NRAP: variants seen among roughly 807,000 people sequenced by gnomAD.
NRAP encodes the protein nebulin related anchoring protein.
NRAP carries 189 observed loss-of-function variants against 225.9 expected under a neutral mutation model. That is an observed-to-expected ratio of 0.84 (90% CI 0.74 to 0.94). The LOEUF (loss-of-function observed/expected upper bound fraction) is 0.94. Ranked by LOEUF, NRAP falls within the 40% of genes least tolerant of loss-of-function variation. NRAP has a pLI of 0.00. For missense variants in NRAP, 2,176 were observed against 2,168.7 expected (o/e 1.00, Z -0.07); for synonymous variants, 769 against 790.7 (o/e 0.97, Z 0.46).
At chr10:113,589,929 G>A in intron 40 of NRAP, 132 bp from the exon 41 acceptor site, 1 of 1,026,592 alleles carries the variant, frequency 9.7e-7, no homozygotes, top group Non-Finnish European at 1.4e-6. Context: ...GCCAGAACAA[G>A]GGGAACAAAT....
At chr10:113,600,361 G>A (rs1263865785) in intron 35 of NRAP, among the ~76,000 whole-genome samples, 1 of 151,690 alleles carries the variant, frequency 6.6e-6, no homozygotes, top group Non-Finnish European at 1.5e-5. Flanking sequence ...TTCTATTTTT[G>A]TAGAGATGGA....
chr10:113,592,663 G>A (rs1024547615), intron 38 of NRAP, among the ~76,000 whole-genome samples: 4 of 152,182 alleles, frequency 2.6e-5, no homozygotes, highest in Admixed American at 6.5e-5. Flanking sequence ...CAGAATTCAA[G>A]CTTCCAGAAT....
chr10:113,606,378 A>G, intron 32 of NRAP, 96 bp from the exon 33 acceptor site: 1 of 732,690 alleles, frequency 1.4e-6, no homozygotes, highest in Non-Finnish European at 2.3e-6. Context: ...AGGAAACACA[A>G]TAGCAAAAAA....
intron 3 of NRAP, among the ~76,000 whole-genome samples, chr10:113,658,302 T>C (rs1850437300): frequency 6.6e-6 from 1 of 152,172 alleles, no homozygotes; most frequent in Non-Finnish European, 1.5e-5. Flanking sequence ...CCTTCAAATT[T>C]GTTCTTCAAG....
intron 30 of NRAP, among the ~76,000 whole-genome samples, chr10:113,611,760 A>G (rs1429441467): frequency 2.0e-5 from 3 of 152,170 alleles, no homozygotes; most frequent in Non-Finnish European, 2.9e-5. Context: ...CGCATGAAGC[A>G]CCAAGAGGAA....
At chr10:113,661,010 T>A (rs1303442708) in intron 3 of NRAP, among the ~76,000 whole-genome samples, 1 of 152,098 alleles carries the variant, frequency 6.6e-6, no homozygotes, top group Non-Finnish European at 1.5e-5. Context: ...CTTAGCAGAG[T>A]GTTCAGTACT....
In NRAP at chr10:113,621,932, A is replaced by G; in HGVS notation, c.2706T>C (p.Phe902=). The G allele has an allele frequency of 6.2e-7, 1 of 1,614,204 alleles. No individual in the cohort carries two copies. Among genetic ancestry groups the G allele is most frequent in the Non-Finnish European group, 8.5e-7 (1 of 1,180,022 alleles). ...DVGYKTAEHH[F]TALPTDMKVE... ...CCTTCATGTCTGTGGGCAAAGCCGT[A>G]AAGTGATGTTCCGCTGTCTTGTAGC... The change falls in exon 24 of 42, where the codon TTT becomes TTC. Residue 902 remains phenylalanine (F), a synonymous_variant. Coordinates refer to ENST00000359988, the MANE Select transcript of NRAP (RefSeq NM_198060.4).
Position 113,663,936 on chromosome 10 carries a change from A to G in NRAP, c.-54T>C. 1 of 1,334,758 alleles carries G rather than the reference A, an allele frequency of 7.5e-7. No individual in the cohort carries two copies. The highest frequency in any genetic ancestry group is 1.1e-6 in the Non-Finnish European group (1 of 925,710). 82.7% of individuals were successfully genotyped at this position (1,334,758 alleles called of 1,614,324 possible). ...TAGGCAACAGGCAAGAAATGCAAGG[A>G]GAACCCCCAGTCTAGTTCAAGTCTT... On this transcript the variant is annotated 5_prime_UTR_variant, in exon 1 of 42. Coordinates refer to ENST00000359988, the MANE Select transcript of NRAP (RefSeq NM_198060.4).
At chr10:113,649,590 A>AT (rs1381697599) in intron 9 of NRAP, among the ~76,000 whole-genome samples, 1 of 152,150 alleles carries the variant, frequency 6.6e-6, no homozygotes, top group Admixed American at 6.6e-5. Flanking sequence ...TGGCATACTG[A>AT]TTTATCTACC....
chr10:113,649,412 T>C (rs551744113), intron 9 of NRAP, among the ~76,000 whole-genome samples: 6 of 152,352 alleles, frequency 3.9e-5, no homozygotes, highest in African/African-American at 1.4e-4. Context: ...CTTGCAACTG[T>C]GAACAATAAT....
rs147896134 is a variant in NRAP, at chr10:113,623,584, C to T, written c.2402G>A (p.Arg801His). 210 of 1,613,938 alleles carry T rather than the reference C, an allele frequency of 1.3e-4. No individual in the cohort carries two copies. Among genetic ancestry groups the T allele is most frequent in the Middle Eastern group, 3.3e-4 (2 of 6,052 alleles). Residue 801 changes from arginine (R) to histidine (H), a missense_variant, in exon 23 of 42, where the codon CGT (arginine) becomes CAT (histidine). This residue lies in a region of NRAP where 1,708 missense variants were observed against 1,695.5 expected (regional missense o/e 1.01). Coordinates refer to ENST00000359988, the MANE Select transcript of NRAP (RefSeq NM_198060.4). Reference sequence around the variant, plus strand: ...TGCCAGGAAGGTCAAGGAATCAAGACGCAGCTCAAACCCTTTTGCTTTCTG... The same window carrying T: ...TGCCAGGAAGGTCAAGGAATCAAGATGCAGCTCAAACCCTTTTGCTTTCTG... Reference protein sequence around the residue: ...ENQKAKGFELRLDSLTFLAAK... With the variant: ...ENQKAKGFELHLDSLTFLAAK...
At chr10:113,598,640 TG>T (rs1176369750) in intron 35 of NRAP, among the ~76,000 whole-genome samples, 1 of 152,216 alleles carries the variant, frequency 6.6e-6, no homozygotes, top group Admixed American at 6.5e-5. Context: ...TTAGATTTTT[TG>T]TTCTTGTGAT....
Position 113,588,814 on chromosome 10 carries a change from T to TACA in NRAP, c.*158_*160dup. The TACA allele has an allele frequency of 1.6e-6, 1 of 641,100 alleles. No individual in the cohort carries two copies. Among genetic ancestry groups the TACA allele is most frequent in the Non-Finnish European group, 2.8e-6 (1 of 359,930 alleles). 39.7% of individuals were successfully genotyped at this position (641,100 alleles called of 1,614,324 possible). A position where few individuals can be genotyped will look rare whatever the true frequency, so the allele number is the denominator to read the frequency against. ...TCTAGGTATCAGAGAGGACCACAAA[T>TACA]ACAACATTCTCCATCTGCTTTCAGA... On this transcript the variant is annotated 3_prime_UTR_variant, in exon 42 of 42. Coordinates refer to ENST00000359988, the MANE Select transcript of NRAP (RefSeq NM_198060.4).
In NRAP at chr10:113,605,882, C is replaced by G; in HGVS notation, c.3808-13G>C. 6.3e-7 allele frequency: 1 copy of G among 1,582,074 alleles called. No individual in the cohort carries two copies. The highest frequency in any genetic ancestry group is 1.7e-5 in the Admixed American group (1 of 59,602). On this transcript the variant is annotated splice_polypyrimidine_tract_variant and intron_variant, in intron 33 of 41. Coordinates refer to ENST00000359988, the MANE Select transcript of NRAP (RefSeq NM_198060.4). The stretch of plus-strand genomic sequence containing the variant: ...CTTTGTATCTTGCCTAAAGTGGGAA[C>G]ACATGTAAATCTTTTTTAAAAAATT...
intron 38 of NRAP, among the ~76,000 whole-genome samples, chr10:113,592,917 CCT>C (rs1028367000): frequency 6.6e-6 from 1 of 152,166 alleles, no homozygotes; most frequent in African/African-American, 2.4e-5. Flanking sequence ...TTCATATCTT[CCT>C]CTTTCATTTT....
intron 29 of NRAP, among the ~76,000 whole-genome samples, chr10:113,612,922 G>A (rs371892265): frequency 6.6e-6 from 1 of 152,200 alleles, no homozygotes; most frequent in East Asian, 1.9e-4. Context: ...TGGGGAGGAT[G>A]CTTGGAGAGT....
Position 113,604,878 on chromosome 10 carries a change from T to C in NRAP, c.3958A>G (p.Ile1320Val). 1 of 1,614,146 alleles carries C rather than the reference T, an allele frequency of 6.2e-7. No individual in the cohort carries two copies. The highest frequency in any genetic ancestry group is 8.5e-7 in the Non-Finnish European group (1 of 1,179,986). The part of the protein sequence containing the change: ...HDFVKERGKL[I>V]GPQSVRDDPR... ...TCGTCTCTTACACTCTGGGGCCCTA[T>C]GAGTTTCCCTCGCTCCTTCACAAAG... The change falls in exon 35 of 42, where the codon ATA (isoleucine) becomes GTA (valine). Residue 1320 changes from isoleucine (I) to valine (V), a missense_variant. By Grantham distance (29) the Ile-to-Val change is conservative. Transcript: ENST00000359988.
intron 10 of NRAP, 152 bp from the exon 11 acceptor site, chr10:113,646,093 A>T: frequency 1.8e-6 from 1 of 540,840 alleles, no homozygotes; most frequent in Admixed American, 3.4e-5. Flanking sequence ...TCTCTTCATT[A>T]AATCTATAAA....
rs778031685 is a variant in NRAP, at chr10:113,626,106, T to C, written c.2185A>G (p.Ser729Gly). 1.9e-6 allele frequency: 3 copies of C among 1,612,168 alleles called. No individual in the cohort carries two copies. The highest frequency in any genetic ancestry group is 2.5e-6 in the Non-Finnish European group (3 of 1,179,388). Residue 729 changes from serine (S) to glycine (G), a missense_variant, in exon 21 of 42, where the codon AGC becomes GGC. This residue lies in a region of NRAP where 1,708 missense variants were observed against 1,695.5 expected (regional missense o/e 1.01). Transcript: ENST00000359988. Reference sequence around the variant, plus strand: ...TCCATCTGGGAGCTGTCGGTCACGCTGGTGAACTTCAGCTCATCGACCCTC... The same window carrying C: ...TCCATCTGGGAGCTGTCGGTCACGCCGGTGAACTTCAGCTCATCGACCCTC... ...RQRVDELKFT[S>G]VTDSSQMEHA...
Sources: gnomAD v4.1 joint callset for allele counts (sites outside exome capture counted in the v4.1 genomes callset) on GRCh38, gnomAD v4.1.1 for gene constraint, gnomAD v4.1.1 regional missense constraint, MANE v1.5 for transcripts, NCBI Gene and HGNC (gene_info 2026-07-23, HGNC 2026-07-21) for gene names.